S100A8: variants seen among roughly 807,000 people sequenced by gnomAD.
The protein encoded by S100A8 is S100 calcium binding protein A8, also known as protein S100-A8.
In S100A8, 1 loss-of-function variant was observed where a neutral mutation model predicts 4.2. The observed-to-expected ratio is 0.24, with a 90% CI of 0.08 to 1.12. The LOEUF (loss-of-function observed/expected upper bound fraction) is 1.12, where lower values mean the gene tolerates loss of function less well. Among genes scored for constraint, S100A8 ranks in the 50% most tolerant of loss-of-function variants. The pLI is 0.53. For missense variants in S100A8, 96 were observed against 111.8 expected (o/e 0.86, Z 0.64); for synonymous variants, 41 against 44.7 (o/e 0.92, Z 0.33).
chr1:153,399,684 G>A, the S100A8 span, among the ~76,000 whole-genome samples: 6 of 152,316 alleles, frequency 3.9e-5, no homozygotes, highest in African/African-American at 9.6e-5. Flanking sequence ...CTAGGCACAT[G>A]GAAGCCAACT....
the S100A8 span, among the ~76,000 whole-genome samples, chr1:153,401,078 C>T: frequency 6.6e-6 from 1 of 152,198 alleles, no homozygotes. Context: ...CAGTGATGAT[C>T]CCTTGCACAG....
chr1:153,420,997 C>T, the S100A8 span: 2 of 152,274 alleles, frequency 1.3e-5, no homozygotes, highest in African/African-American at 2.4e-5. Context: ...TGCTTAGAAC[C>T]GTCATGCCAG....
chr1:153,418,123 T>C, the S100A8 span: 7 of 1,613,996 alleles, frequency 4.3e-6, no homozygotes, highest in South Asian at 7.7e-5. Context: ...ATAGGCATGA[T>C]CGACATGTTT....
Position 153,390,614 on chromosome 1 carries a change from G to T in S100A8, c.-22-57C>A, listed in dbSNP as rs556070785. 1,546 of 1,589,418 alleles carry T rather than the reference G, an allele frequency of 9.7e-4. 30 individuals are homozygous for T. The South Asian group carries it at 0.017, about 17-fold the overall frequency. On this transcript the variant is annotated intron_variant, in intron 1 of 2. Transcript: ENST00000368733. ...GGCAGGGAATTTGCATCTGGCCAGG[G>T]CAGTACGCAGAGGATTCATGCCCCA... is the stretch of plus-strand genomic sequence containing the variant.
the S100A8 span, among the ~76,000 whole-genome samples, chr1:153,402,081 G>A: frequency 6.6e-6 from 1 of 152,164 alleles, no homozygotes; most frequent in Non-Finnish European, 1.5e-5. Context: ...GTACATTATT[G>A]CCGTGTAGAG....
upstream of S100A8, among the ~76,000 whole-genome samples, chr1:153,391,800 AAC>A (rs1341639132): frequency 6.6e-6 from 1 of 152,130 alleles, no homozygotes; most frequent in Non-Finnish European, 1.5e-5. Flanking sequence ...CCATTGCATA[AAC>A]ACAGCAGGGA....
intron 2 of S100A8, 61 bp from the exon 3 acceptor site, chr1:153,390,304 G>GCCAT: frequency 6.2e-7 from 1 of 1,602,228 alleles, no homozygotes; most frequent in South Asian, 1.1e-5. Context: ...CCGAGGCATA[G>GCCAT]CCATCTATGA....
chr1:153,395,340 T>A (rs1662190695), upstream of S100A8, among the ~76,000 whole-genome samples: 1 of 152,134 alleles, frequency 6.6e-6, no homozygotes, highest in Non-Finnish European at 1.5e-5. Flanking sequence ...TGACTCAGCA[T>A]GTGCAAACCC....
the S100A8 span, among the ~76,000 whole-genome samples, chr1:153,402,914 A>C: frequency 2.4e-4 from 36 of 152,372 alleles, no homozygotes; most frequent in Non-Finnish European, 1.6e-4. Context: ...GTTCAAGGAC[A>C]GTCACATAGA....
chr1:153,399,498 C>T, the S100A8 span, among the ~76,000 whole-genome samples: 1 of 152,136 alleles, frequency 6.6e-6, no homozygotes, highest in Admixed American at 6.6e-5. Flanking sequence ...GGGGTGTCCT[C>T]CCTCCATTAG....
At chr1:153,398,742 G>A in the S100A8 span, among the ~76,000 whole-genome samples, 12 of 152,226 alleles carry the variant, frequency 7.9e-5, no homozygotes, top group East Asian at 3.9e-4. Flanking sequence ...AAATTATCCC[G>A]TATCCCACGT....
the S100A8 span, among the ~76,000 whole-genome samples, chr1:153,404,918 G>A: frequency 7.9e-5 from 12 of 152,024 alleles, no homozygotes; most frequent in African/African-American, 2.7e-4. Context: ...GTGGGTGCTC[G>A]GTGGCGCCAC....
the S100A8 span, among the ~76,000 whole-genome samples, chr1:153,408,418 G>A: frequency 6.6e-6 from 1 of 152,090 alleles, no homozygotes; most frequent in Admixed American, 6.6e-5. Context: ...GAGAAGAGAA[G>A]TTTAGAGAAA....
At chr1:153,405,229 A>G in the S100A8 span, among the ~76,000 whole-genome samples, 3 of 151,788 alleles carry the variant, frequency 2.0e-5, no homozygotes, top group African/African-American at 7.3e-5. Context: ...CGCTTGGGTC[A>G]CTTCCTAGCA....
the S100A8 span, chr1:153,418,258 AC>A: frequency 6.2e-7 from 1 of 1,605,448 alleles, no homozygotes; most frequent in Non-Finnish European, 8.5e-7. Context: ...TGTTGGTTGG[AC>A]CCTGGCATGG....
the S100A8 span, among the ~76,000 whole-genome samples, chr1:153,409,002 G>A: frequency 6.6e-5 from 10 of 152,210 alleles, no homozygotes; most frequent in South Asian, 2.1e-4. Flanking sequence ...AGGAACAACC[G>A]TTACCAGCCA....
upstream of S100A8, among the ~76,000 whole-genome samples, chr1:153,395,410 G>A (rs1425740381): frequency 2.0e-5 from 3 of 152,068 alleles, no homozygotes. Context: ...CATGCCAATC[G>A]CCAGCACCTG....
chr1:153,419,379 T>A, the S100A8 span: 2 of 1,483,762 alleles, frequency 1.3e-6, no homozygotes, highest in Non-Finnish European at 1.8e-6. Flanking sequence ...GACACTTGCC[T>A]TATTTCTTCT....
At chr1:153,418,114 T>C in the S100A8 span, 3 of 1,614,060 alleles carry the variant, frequency 1.9e-6, no homozygotes, top group African/African-American at 4.0e-5. Flanking sequence ...AGGTCCATAA[T>C]AGGCATGATC....
Sources: gnomAD v4.1 joint callset for allele counts (sites outside exome capture counted in the v4.1 genomes callset) on GRCh38, gnomAD v4.1.1 for gene constraint, MANE v1.5 for transcripts, NCBI Gene and HGNC (gene_info 2026-07-23, HGNC 2026-07-21) for gene names.